The following IGF2BP3 variants were observed in gnomAD, a reference collection of about 807,000 sequenced individuals.
The protein encoded by IGF2BP3 is insulin like growth factor 2 mRNA binding protein 3, also known as insulin-like growth factor 2 mRNA-binding protein 3.
IGF2BP3 carries 9 observed loss-of-function variants against 73.8 expected under a neutral mutation model. That is an observed-to-expected ratio of 0.12 (90% confidence interval 0.07 to 0.21). The LOEUF (loss-of-function observed/expected upper bound fraction) is 0.21, where lower values mean the gene tolerates loss of function less well. Among genes scored for constraint, IGF2BP3 ranks in the 10% least tolerant of loss-of-function variants. The probability of loss-of-function intolerance (pLI) is 1.00; values close to 1 mark genes in which losing one functional copy is unlikely to be tolerated. For synonymous variants in IGF2BP3, 258 were observed against 256.7 expected (o/e 1.01, Z -0.05); for missense variants, 542 against 714.0 (o/e 0.76, Z 2.75).
intron 2 of IGF2BP3, among the ~76,000 whole-genome samples, chr7:23,426,703 T>G (rs914806621): frequency 6.6e-6 from 1 of 152,196 alleles, no homozygotes; most frequent in African/African-American, 2.4e-5. Context: ...AGGCTCAACT[T>G]GGTTTCTCTT....
intron 5 of IGF2BP3, among the ~76,000 whole-genome samples, chr7:23,357,102 CTTTA>C (rs1325034629): frequency 2.0e-5 from 3 of 152,174 alleles, no homozygotes; most frequent in Non-Finnish European, 2.9e-5. Flanking sequence ...TGTCTCACTG[CTTTA>C]TTTCTTTTTC....
intron 2 of IGF2BP3, among the ~76,000 whole-genome samples, chr7:23,465,442 T>C (rs944516945): frequency 5.3e-5 from 8 of 152,224 alleles, no homozygotes; most frequent in Non-Finnish European, 4.4e-5. Flanking sequence ...GCCACATTCC[T>C]TCCACATTCC....
rs188271333 is a variant in IGF2BP3 at position 23,351,724 on chromosome 7, C to T, written c.402-138G>A. 3.4e-5 allele frequency: 28 copies of T among 826,180 alleles called. No individual in the cohort carries two copies. The East Asian group carries it at 6.3e-4, about 19-fold the overall frequency. The allele number at this position is 826,180 out of a possible 1,614,324, so 51.2% of individuals were successfully genotyped here. A position where few individuals can be genotyped will look rare whatever the true frequency, so the allele number is the denominator to read the frequency against. ...GTGAAGCCCCAGCACAAGCAGCAAA[C>T]CCGCAACACACATAATCCTCCCCTC... On this transcript the variant is annotated intron_variant, in intron 5 of 14. Transcript: ENST00000258729.
rs1303046246 is a variant in IGF2BP3 at position 23,346,156 on chromosome 7, TACC to T, written c.819-97_819-95del. ...ACTCATTAAACATTTACTTCCTACC[TACC>T]ATCTGGGAAGCACTGTGTTAGGTAC... is the stretch of plus-strand genomic sequence containing the variant. On this transcript the variant is annotated intron_variant, in intron 7 of 14. Transcript: ENST00000258729. 5 of 1,387,264 alleles carry T rather than the reference TACC, an allele frequency of 3.6e-6. No homozygotes were observed. The Admixed American group carries it at 1.1e-4, about 30-fold the overall frequency. 85.9% of individuals were successfully genotyped at this position (1,387,264 alleles called of 1,614,324 possible).
At chr7:23,337,731 C>T (rs1443780760) in intron 10 of IGF2BP3, among the ~76,000 whole-genome samples, 1 of 152,200 alleles carries the variant, frequency 6.6e-6, no homozygotes, top group Non-Finnish European at 1.5e-5. Flanking sequence ...AATGAGGTCT[C>T]ACCACATTGC....
At chr7:23,461,320 C>T (rs1207270143) in intron 2 of IGF2BP3, among the ~76,000 whole-genome samples, 1 of 152,164 alleles carries the variant, frequency 6.6e-6, no homozygotes, top group Non-Finnish European at 1.5e-5. Context: ...TCCATGGTTT[C>T]AAATGCCACA....
chr7:23,430,483 C>T (rs567715942), intron 2 of IGF2BP3, among the ~76,000 whole-genome samples: 8 of 152,342 alleles, frequency 5.3e-5, no homozygotes, highest in Non-Finnish European at 8.8e-5. Flanking sequence ...CTTTCCAACC[C>T]GCCACTTGGT....
chr7:23,443,115 T>C (rs1297258739), intron 2 of IGF2BP3, among the ~76,000 whole-genome samples: 1 of 139,418 alleles, frequency 7.2e-6, no homozygotes, highest in African/African-American at 2.7e-5. Flanking sequence ...TTTTTTTTTT[T>C]TTTTTTTTTT....
At position 23,374,510 on chromosome 7, in the gene IGF2BP3, C is replaced by T. The variant is rs545347010; in HGVS notation, c.286-12769G>A. Among the ~76,000 whole-genome samples, 8 of 152,110 alleles carry T rather than the reference C, an allele frequency of 5.3e-5. No homozygotes were observed. The East Asian group carries it at 1.4e-3, about 26-fold the overall frequency. On this transcript the variant is annotated intron_variant, in intron 3 of 14. Transcript: ENST00000258729. ...GGGCAACATAGGAAAGACCCCATCT[C>T]TACAAAAATAAAAATAATTAGCCAG...
chr7:23,426,785 ATCTT>A (rs1376753961), intron 2 of IGF2BP3, among the ~76,000 whole-genome samples: 1 of 152,146 alleles, frequency 6.6e-6, no homozygotes, highest in Non-Finnish European at 1.5e-5. Context: ...TACCTCTGAT[ATCTT>A]TCTATGATGT....
At chr7:23,359,126 T>G (rs1785163823) in intron 5 of IGF2BP3, among the ~76,000 whole-genome samples, 1 of 152,274 alleles carries the variant, frequency 6.6e-6, no homozygotes, top group South Asian at 2.1e-4. Context: ...ACCAATCTCT[T>G]AACAACTACG....
chr7:23,457,482 T>C (rs1788350621), intron 2 of IGF2BP3, among the ~76,000 whole-genome samples: 1 of 152,130 alleles, frequency 6.6e-6, no homozygotes, highest in South Asian at 2.1e-4. Context: ...AAAATTTTTT[T>C]TAAACTTCTC....
intron 3 of IGF2BP3, among the ~76,000 whole-genome samples, chr7:23,398,143 A>G (rs1270418282): frequency 7.0e-6 from 1 of 142,216 alleles, no homozygotes; most frequent in Non-Finnish European, 1.5e-5. Context: ...GTTCCCACCT[A>G]TGAGTGAGAA....
At chr7:23,348,280 T>C (rs1487152617) in intron 6 of IGF2BP3, among the ~76,000 whole-genome samples, 1 of 152,216 alleles carries the variant, frequency 6.6e-6, no homozygotes, top group African/African-American at 2.4e-5. Flanking sequence ...CAGATGGCAA[T>C]TCTACTTCAA....
In IGF2BP3 at chr7:23,342,208, C is replaced by T; in HGVS notation, c.1078-19G>A. 2.5e-6 allele frequency: 4 copies of T among 1,612,494 alleles called. No homozygotes were observed. Among genetic ancestry groups the T allele is most frequent in the Non-Finnish European group, 3.4e-6 (4 of 1,179,054 alleles). On this transcript the variant is annotated intron_variant, in intron 9 of 14. Transcript: ENST00000258729. ...CTTGAAGCTGCAACAGTAAAAAGGCCCCTTAATTTGACAATTAAAAGAATC... is the reference window on the plus strand; with the variant it reads ...CTTGAAGCTGCAACAGTAAAAAGGCTCCTTAATTTGACAATTAAAAGAATC...
intron 3 of IGF2BP3, among the ~76,000 whole-genome samples, chr7:23,405,834 G>A (rs1490623174): frequency 6.6e-6 from 1 of 152,120 alleles, no homozygotes; most frequent in African/African-American, 2.4e-5. Flanking sequence ...TGGATTTCCT[G>A]AGAACAAACA....
At position 23,352,244 on chromosome 7, in the gene IGF2BP3, C is replaced by T. The variant is rs547715497; in HGVS notation, c.402-658G>A. On this transcript the variant is annotated intron_variant, in intron 5 of 14. Transcript: ENST00000258729. ...CAAAAAAAAGAGTGTGCCCATTCTA[C>T]CACACTATTTGGGGGAGAGTTTCTC... Among the ~76,000 whole-genome samples, 11 of 150,556 alleles carry T rather than the reference C, an allele frequency of 7.3e-5. No individual in the cohort carries two copies. In the South Asian group the frequency reaches 2.1e-3, roughly 29 times the overall value.
chr7:23,310,372 TTAAG>T lies in IGF2BP3; in HGVS notation c.*1986_*1989del, dbSNP rs1298442133. On this transcript the variant is annotated 3_prime_UTR_variant, in exon 15 of 15. Coordinates refer to ENST00000258729, the MANE Select transcript of IGF2BP3 (RefSeq NM_006547.3). ...ACCAGATACTCCAAATTACAAATGC[TTAAG>T]TAAAAGTAAAATATGATTTGCCATA... 5.3e-5 allele frequency: 8 copies of T among 152,244 alleles called. No individual in the cohort carries two copies. The highest frequency in any genetic ancestry group is 1.7e-4 in the African/African-American group (7 of 41,550). 9.4% of individuals were successfully genotyped at this position (152,244 alleles called of 1,614,324 possible). A position where few individuals can be genotyped will look rare whatever the true frequency, so the allele number is the denominator to read the frequency against.
At chr7:23,365,079 T>C (rs1372374562) in intron 3 of IGF2BP3, among the ~76,000 whole-genome samples, 3 of 152,156 alleles carry the variant, frequency 2.0e-5, no homozygotes, top group Admixed American at 1.3e-4. Flanking sequence ...GGCAGGAGAA[T>C]TGCTTGAACC....
Sources: allele counts gnomAD v4.1 joint callset (sites outside exome capture counted in the v4.1 genomes callset), GRCh38; gene constraint gnomAD v4.1.1; transcripts MANE v1.5; gene names NCBI Gene and HGNC (gene_info 2026-07-23, HGNC 2026-07-21).